The following SETDB1 variants were observed in gnomAD, a reference collection of about 807,000 sequenced individuals.
SETDB1 encodes SET domain bifurcated histone lysine methyltransferase 1.
Under a neutral mutation model 137.4 loss-of-function variants are expected in SETDB1, and 31 were observed. That is an observed-to-expected ratio of 0.23 (90% confidence interval 0.17 to 0.30). The LOEUF (loss-of-function observed/expected upper bound fraction) is 0.30, where lower values mean the gene tolerates loss of function less well. SETDB1 is among the 10% of genes least tolerant of loss of function. SETDB1 has a pLI of 1.00. For missense variants in SETDB1, 1,113 were observed against 1,631.5 expected, an observed-to-expected ratio of 0.68 and a Z score of 5.47; for synonymous variants, 548 against 579.9, an observed-to-expected ratio of 0.95 and a Z score of 0.79.
At chr1:150,947,959 T>C (rs911856133) in intron 10 of SETDB1, among the ~76,000 whole-genome samples, 1 of 151,982 alleles carries the variant, frequency 6.6e-6, no homozygotes, top group African/African-American at 2.4e-5. Flanking sequence ...AGGCCCAGCA[T>C]GGTGGCTCGT....
chr1:150,933,767 C>CTTTTTTTTTT (rs1225714666), intron 3 of SETDB1, among the ~76,000 whole-genome samples: 1 of 116,820 alleles, frequency 8.6e-6, no homozygotes, highest in African/African-American at 3.4e-5. Context: ...TTTTCTTTTT[C>CTTTTTTTTTT]TTTTTCTTTT....
chr1:150,958,819 A>G (rs1395018668), intron 14 of SETDB1, among the ~76,000 whole-genome samples: 1 of 152,132 alleles, frequency 6.6e-6, no homozygotes, highest in Non-Finnish European at 1.5e-5. Flanking sequence ...ATTTCTACAA[A>G]TTGACCGTCC....
intron 5 of SETDB1, among the ~76,000 whole-genome samples, chr1:150,941,779 G>A (rs915886741): frequency 6.0e-5 from 9 of 151,056 alleles, no homozygotes; most frequent in Non-Finnish European, 1.2e-4. Context: ...GATCACTTGA[G>A]GCCCAGCATT....
rs758687763 is a variant in SETDB1, at chr1:150,949,452, C to T, written c.1510C>T (p.His504Tyr). 1 of 1,614,126 alleles carries T rather than the reference C, an allele frequency of 6.2e-7. No homozygotes were observed. Among genetic ancestry groups the T allele is most frequent in the Non-Finnish European group, 8.5e-7 (1 of 1,179,990 alleles). ...SFRPGSVGSG[H>Y]SSPTSPALSE... ...TCGACCAGGATCTGTGGGCTCTGGTCATTCCTCCCCTACATCTCCTGCACT... is the reference window on the plus strand; with the variant it reads ...TCGACCAGGATCTGTGGGCTCTGGTTATTCCTCCCCTACATCTCCTGCACT... Residue 504 changes from histidine to tyrosine, a missense_variant, in exon 12 of 22, where the codon CAT (histidine) becomes TAT (tyrosine). Transcript: ENST00000692827.
chr1:150,961,945 T>G lies in SETDB1; in HGVS notation c.3133-185T>G. ...ATTAAGCCCCATCACTGAGAAGGCT[T>G]AAAGGCTCCAGCCAGGGAGTGTAGT... On this transcript the variant is annotated intron_variant, in intron 16 of 21. Transcript: ENST00000692827. 12 of 711,052 alleles carry G rather than the reference T, an allele frequency of 1.7e-5. 1 individual carries two copies. The South Asian group carries it at 1.9e-4, about 11-fold the overall frequency. The allele number at this position is 711,052 out of a possible 1,614,324, so 44.0% of individuals were successfully genotyped here. A position where few individuals can be genotyped will look rare whatever the true frequency, so the allele number is the denominator to read the frequency against.
chr1:150,949,557 A>G (rs1558021080), intron 12 of SETDB1, 32 bp downstream of exon 12: 3 of 1,606,338 alleles, frequency 1.9e-6, no homozygotes, highest in Non-Finnish European at 1.7e-6. Context: ...TGTAGGCAGG[A>G]TAGCAATGAG....
At chr1:150,930,358 G>A (rs1669685804) in intron 3 of SETDB1, 2 of 391,320 alleles carry the variant, frequency 5.1e-6, no homozygotes, top group African/African-American at 2.0e-5. Context: ...CTATTTTGGG[G>A]TATTCCATCA....
At chr1:150,931,324 G>C (rs587686143) in intron 3 of SETDB1, among the ~76,000 whole-genome samples, 1 of 146,124 alleles carries the variant, frequency 6.8e-6, no homozygotes, top group Non-Finnish European at 1.5e-5. Flanking sequence ...GGTGGCTCAC[G>C]CCTGTAATCC....
chr1:150,931,570 C>A (rs974880858), intron 3 of SETDB1, among the ~76,000 whole-genome samples: 4 of 149,228 alleles, frequency 2.7e-5, no homozygotes, highest in Non-Finnish European at 5.9e-5. Context: ...ATGTAACTAA[C>A]CTGCACAATG....
intron 9 of SETDB1, among the ~76,000 whole-genome samples, 185 bp from the exon 10 acceptor site, chr1:150,946,701 G>T (rs187967151): frequency 9.2e-5 from 14 of 152,270 alleles, no homozygotes; most frequent in African/African-American, 2.6e-4. Context: ...ACCTGCCTCA[G>T]CCTCCCAAAG....
At chr1:150,944,390 G>A (rs1462297106) in intron 8 of SETDB1, among the ~76,000 whole-genome samples, 1 of 152,174 alleles carries the variant, frequency 6.6e-6, no homozygotes, top group East Asian at 1.9e-4. Context: ...TGTGTTAGAT[G>A]GAACCTCATA....
intron 2 of SETDB1, among the ~76,000 whole-genome samples, chr1:150,929,148 A>G (rs1387831355): frequency 6.6e-6 from 1 of 152,116 alleles, no homozygotes; most frequent in Non-Finnish European, 1.5e-5. Flanking sequence ...TTCTAGTTCT[A>G]GATCCTTGAG....
intron 2 of SETDB1, 23 bp from the exon 3 acceptor site, chr1:150,929,944 T>C (rs755456203): frequency 6.2e-7 from 1 of 1,607,702 alleles, no homozygotes; most frequent in African/African-American, 1.3e-5. Context: ...CTTTGACCTT[T>C]TCTGCATGTG....
Position 150,963,137 on chromosome 1 carries a change from C to A in SETDB1, c.3458C>A (p.Thr1153Asn). The change falls in exon 19 of 22, where the codon ACT (threonine) becomes AAT (asparagine). Residue 1153 changes from threonine (T) to asparagine (N), a missense_variant and splice_region_variant. Thr to Asn is a moderately conservative substitution (Grantham distance 65). This residue lies in a region of SETDB1 where 373 missense variants were observed against 412.7 expected (regional missense o/e 0.90). Coordinates refer to ENST00000692827, the MANE Select transcript of SETDB1 (RefSeq NM_001366418.1). The stretch of plus-strand genomic sequence containing the variant: ...GACTTTGAGGACAAGAAGAACATGA[C>A]TGGTAGCCTGGAAAAATTTTGGGAA... ...GDDFEDKKNM[T>N]GPMKRQVAVK... The A allele has an allele frequency of 6.2e-7, 1 of 1,604,170 alleles. No homozygotes were observed. The highest frequency in any genetic ancestry group is 8.5e-7 in the Non-Finnish European group (1 of 1,173,458).
rs1182759701 is a variant in SETDB1 at position 150,964,707 on chromosome 1, T to C, written c.*343T>C. ...ACTATCTCCAGTTTGTATTATTTCT[T>C]GAAAGTCTTTTAACAATATGATAAA... On this transcript the variant is annotated 3_prime_UTR_variant, in exon 22 of 22. Coordinates refer to ENST00000692827, the MANE Select transcript of SETDB1 (RefSeq NM_001366418.1). 13 of 585,542 alleles carry C rather than the reference T, an allele frequency of 2.2e-5. No individual in the cohort carries two copies. The South Asian group carries it at 2.7e-4, about 12-fold the overall frequency. The allele number at this position is 585,542 out of a possible 1,614,324, so 36.3% of individuals were successfully genotyped here.
chr1:150,937,453 G>A (rs1268074532), intron 3 of SETDB1, among the ~76,000 whole-genome samples: 2 of 152,048 alleles, frequency 1.3e-5, no homozygotes, highest in Non-Finnish European at 2.9e-5. Context: ...CCACTGAATT[G>A]TACACTTAAA....
intron 17 of SETDB1, 115 bp from the exon 18 acceptor site, chr1:150,962,472 C>T: frequency 1.0e-6 from 1 of 1,000,112 alleles, no homozygotes; most frequent in South Asian, 1.4e-5. Flanking sequence ...CTACCGTGTC[C>T]AGCCCAGTGC....
In SETDB1 at chr1:150,929,199, C is replaced by T. The variant is rs187394363; in HGVS notation, c.261-768C>T. 1.9e-3 allele frequency among the ~76,000 whole-genome samples: 287 copies of T among 152,220 alleles called. 5 individuals carry two copies. The highest frequency in any genetic ancestry group is 6.7e-3 in the African/African-American group (277 of 41,532). ...CTTCCACAATGGTTGAACAAGTTTACAGTCCCACCAACAGTGTAAAAGTGT... is the reference window on the plus strand; with the variant it reads ...CTTCCACAATGGTTGAACAAGTTTATAGTCCCACCAACAGTGTAAAAGTGT... On this transcript the variant is annotated intron_variant, in intron 2 of 21. Coordinates refer to ENST00000692827, the MANE Select transcript of SETDB1 (RefSeq NM_001366418.1).
intron 19 of SETDB1, 119 bp downstream of exon 19, chr1:150,963,258 T>C (rs758674015): frequency 1.2e-5 from 11 of 943,396 alleles, no homozygotes; most frequent in Middle Eastern, 4.5e-4. Context: ...AATTGGAGCA[T>C]CTCTGGGAGG....
Sources: allele counts gnomAD v4.1 joint callset (sites outside exome capture counted in the v4.1 genomes callset), GRCh38; gene constraint gnomAD v4.1.1; regional missense constraint gnomAD v4.1.1; transcripts MANE v1.5; gene names NCBI Gene and HGNC (gene_info 2026-07-23, HGNC 2026-07-21).